PDS5B: variants seen among roughly 807,000 people sequenced by gnomAD.
PDS5B encodes the protein sister chromatid cohesion protein PDS5 homolog B.
A neutral mutation model predicts 184.1 loss-of-function variants in PDS5B; 51 were observed. The ratio of observed to expected loss-of-function variants is 0.28; its 90% CI spans 0.22 to 0.35. PDS5B has a LOEUF of 0.35. Ranked by LOEUF, PDS5B falls within the 10% of genes least tolerant of loss-of-function variation. The probability of loss-of-function intolerance (pLI) is 1.00; values close to 1 mark genes in which losing one functional copy is unlikely to be tolerated. For missense variants in PDS5B, 1,180 were observed against 1,723.3 expected (o/e 0.68, Z 5.58); for synonymous variants, 566 against 569.2 (o/e 0.99, Z 0.08).
At chr13:32,646,001 G>T (rs1566279402) in intron 1 of PDS5B, among the ~76,000 whole-genome samples, 1 of 151,376 alleles carries the variant, frequency 6.6e-6, no homozygotes, top group Admixed American at 6.6e-5. Flanking sequence ...TGGGTGTGTG[G>T]TGTGTGGTGT....
At chr13:32,603,892 A>G (rs566490971) in intron 1 of PDS5B, among the ~76,000 whole-genome samples, 2 of 151,900 alleles carry the variant, frequency 1.3e-5, no homozygotes, top group Non-Finnish European at 2.9e-5. Flanking sequence ...TTTTGTCTGT[A>G]TAGGAATGCT....
intron 10 of PDS5B, among the ~76,000 whole-genome samples, chr13:32,680,629 T>C (rs1951212929): frequency 6.6e-6 from 1 of 152,218 alleles, no homozygotes; most frequent in Admixed American, 6.5e-5. Flanking sequence ...ATCTCCAGAC[T>C]TCTTTTGGTG....
intron 15 of PDS5B, among the ~76,000 whole-genome samples, chr13:32,699,403 C>G (rs1329975233): frequency 6.6e-6 from 1 of 152,152 alleles, no homozygotes; most frequent in Non-Finnish European, 1.5e-5. Context: ...ATGTATGCAA[C>G]AAGCTCAAGG....
chr13:32,654,669 G>A (rs922914884), intron 3 of PDS5B, among the ~76,000 whole-genome samples: 4 of 151,988 alleles, frequency 2.6e-5, no homozygotes, highest in Admixed American at 2.6e-4. Context: ...GTAGTTTTCC[G>A]ATCCTCACCC....
At chr13:32,600,150 C>A (rs1443867052) in intron 1 of PDS5B, among the ~76,000 whole-genome samples, 3 of 152,122 alleles carry the variant, frequency 2.0e-5, no homozygotes, top group Non-Finnish European at 4.4e-5. Flanking sequence ...CCAAGATTCC[C>A]CATTGTGACC....
At chr13:32,749,919 T>G (rs1953913278) in intron 24 of PDS5B, among the ~76,000 whole-genome samples, 1 of 152,190 alleles carries the variant, frequency 6.6e-6, no homozygotes, top group Non-Finnish European at 1.5e-5. Flanking sequence ...TTTTTGAGGG[T>G]ACATTTTTTT....
chr13:32,676,515 C>T (rs1403783606), intron 9 of PDS5B, among the ~76,000 whole-genome samples: 1 of 152,112 alleles, frequency 6.6e-6, no homozygotes. Context: ...AGGTATTCAT[C>T]CCTGACCTTG....
At chr13:32,673,055 A>G (rs1405907319) in intron 7 of PDS5B, among the ~76,000 whole-genome samples, 161 bp from the exon 8 acceptor site, 1 of 152,188 alleles carries the variant, frequency 6.6e-6, no homozygotes, top group African/African-American at 2.4e-5. Context: ...TTTATCTTTC[A>G]TGTAGCCTAT....
chr13:32,634,015 C>T (rs916703038), intron 1 of PDS5B, among the ~76,000 whole-genome samples: 4 of 152,152 alleles, frequency 2.6e-5, no homozygotes, highest in African/African-American at 9.7e-5. Flanking sequence ...ATACTTCTCT[C>T]CTGTTTTCTG....
chr13:32,658,354 C>A, intron 4 of PDS5B, 29 bp downstream of exon 4: 2 of 1,402,624 alleles, frequency 1.4e-6, no homozygotes, highest in Non-Finnish European at 2.0e-6. Flanking sequence ...CTTGAGATGA[C>A]ATTTTAAACT....
intron 10 of PDS5B, among the ~76,000 whole-genome samples, chr13:32,681,236 T>C (rs1217188616): frequency 6.6e-6 from 1 of 152,190 alleles, no homozygotes; most frequent in Non-Finnish European, 1.5e-5. Context: ...CTCCCCTAGC[T>C]GAAATATGAT....
chr13:32,592,348 C>T (rs562667166), intron 1 of PDS5B, among the ~76,000 whole-genome samples: 17 of 150,588 alleles, frequency 1.1e-4, no homozygotes, highest in Non-Finnish European at 2.2e-4. Context: ...TCGGCCTTGG[C>T]AGGTTCAGGC....
intron 19 of PDS5B, among the ~76,000 whole-genome samples, chr13:32,711,850 A>G (rs967440376): frequency 6.6e-6 from 1 of 152,218 alleles, no homozygotes; most frequent in Non-Finnish European, 1.5e-5. Context: ...ACAGTATACC[A>G]TTTGCTGAAT....
At chr13:32,633,574 A>G (rs1217085875) in intron 1 of PDS5B, among the ~76,000 whole-genome samples, 2 of 152,132 alleles carry the variant, frequency 1.3e-5, no homozygotes, top group Admixed American at 1.3e-4. Context: ...CCTCAAAACT[A>G]ATGTCTTTCA....
At position 32,687,096 on chromosome 13, in the gene PDS5B, G is replaced by A. The variant is rs777684287; in HGVS notation, c.1204-38G>A. 4 of 1,497,770 alleles carry A rather than the reference G, an allele frequency of 2.7e-6. No homozygotes were observed. The Admixed American group carries it at 9.1e-5, about 34-fold the overall frequency. The allele number at this position is 1,497,770 out of a possible 1,614,324, so 92.8% of individuals were successfully genotyped here. A position where few individuals can be genotyped will look rare whatever the true frequency, so the allele number is the denominator to read the frequency against. On this transcript the variant is annotated intron_variant, in intron 11 of 34. Transcript: ENST00000315596. ...ACTTTCCTTAATTTATATAATGGAA[G>A]CCTTTTTACATTATAAATAAAACTT...
At chr13:32,629,816 TG>T (rs777622077) in intron 1 of PDS5B, among the ~76,000 whole-genome samples, 6 of 152,240 alleles carry the variant, frequency 3.9e-5, no homozygotes, top group Non-Finnish European at 7.3e-5. Context: ...TTTCTGATCT[TG>T]GGCAAAATCA....
chr13:32,725,032 G>A (rs533516021), intron 19 of PDS5B, among the ~76,000 whole-genome samples: 1 of 152,140 alleles, frequency 6.6e-6, no homozygotes, highest in Non-Finnish European at 1.5e-5. Flanking sequence ...TATTTATGAT[G>A]TTTGCAGCTG....
chr13:32,699,706 A>G, intron 15 of PDS5B, 24 bp from the exon 16 acceptor site: 1 of 1,358,886 alleles, frequency 7.4e-7, no homozygotes, highest in African/African-American at 1.5e-5. Flanking sequence ...AATTGATTTT[A>G]ATTGAACTTT....
At chr13:32,747,276 C>T (rs1276924447) in intron 24 of PDS5B, among the ~76,000 whole-genome samples, 1 of 152,088 alleles carries the variant, frequency 6.6e-6, no homozygotes, top group African/African-American at 2.4e-5. Flanking sequence ...CTCTTCTTTT[C>T]CAAGTAGTCT....
Sources: allele counts gnomAD v4.1 joint callset (sites outside exome capture counted in the v4.1 genomes callset), GRCh38; gene constraint gnomAD v4.1.1; transcripts MANE v1.5; gene names NCBI Gene and HGNC (gene_info 2026-07-23, HGNC 2026-07-21).